SPANXN1: variants seen among roughly 807,000 people sequenced by gnomAD.
SPANXN1 encodes sperm protein associated with the nucleus on the X chromosome N1.
SPANXN1 carries 1 observed loss-of-function variant against 2.0 expected under a neutral mutation model. That is an observed-to-expected ratio of 0.50 (90% CI 0.18 to 2.36). The LOEUF (loss-of-function observed/expected upper bound fraction) is 2.36. Ranked by LOEUF, SPANXN1 falls within the 30% of genes most tolerant of loss-of-function variation. The pLI is 0.26. For missense variants in SPANXN1, 55 were observed against 51.8 expected, an observed-to-expected ratio of 1.06 and a Z score of -0.19; for synonymous variants, 27 against 21.3, an observed-to-expected ratio of 1.27 and a Z score of -0.74.
At position 145,255,835 on chromosome X, in the gene SPANXN1, C is replaced by T; in HGVS notation, c.*21C>T. On this transcript the variant is annotated 3_prime_UTR_variant, in exon 2 of 2. Transcript: ENST00000370493. ...CCTGAGAGAACTCCATCAATCCAGTCCAAGAGGAGGAGGACGAAGGCCTAG... is the reference window on the plus strand; with the variant it reads ...CCTGAGAGAACTCCATCAATCCAGTTCAAGAGGAGGAGGACGAAGGCCTAG... The T allele has an allele frequency of 8.3e-7, 1 of 1,211,701 alleles. No homozygotes were observed. Among genetic ancestry groups the T allele is most frequent in the East Asian group, 3.0e-5 (1 of 33,819 alleles).
At chrX:145,248,846 G>A (rs1392051268) in intron 1 of SPANXN1, among the ~76,000 whole-genome samples, 1 of 111,821 alleles carries the variant, frequency 8.9e-6, no homozygotes, top group East Asian at 2.8e-4. Context: ...TTACAGGGCA[G>A]AAGGATACAG....
intron 1 of SPANXN1, among the ~76,000 whole-genome samples, chrX:145,250,319 G>A (rs1173772647): frequency 1.8e-5 from 2 of 111,115 alleles, no homozygotes; most frequent in Non-Finnish European, 3.8e-5. Context: ...CTATTGTGAG[G>A]TATAGGAATC....
chrX:145,248,917 T>C (rs1233082339), intron 1 of SPANXN1, among the ~76,000 whole-genome samples: 3 of 111,610 alleles, frequency 2.7e-5, no homozygotes, highest in Non-Finnish European at 5.6e-5. Flanking sequence ...GTTGGATACA[T>C]GAAGAGTGGC....
chrX:145,254,364 G>GT (rs1200740512), intron 1 of SPANXN1, among the ~76,000 whole-genome samples: 43 of 112,088 alleles, frequency 3.8e-4, no homozygotes, highest in Non-Finnish European at 6.2e-4. Flanking sequence ...TGAATGTTTT[G>GT]TTTTTTTGGA....
intron 1 of SPANXN1, among the ~76,000 whole-genome samples, chrX:145,247,951 C>T (rs1257902506): frequency 8.0e-5 from 9 of 112,040 alleles, no homozygotes; most frequent in African/African-American, 2.6e-4. Flanking sequence ...GGAACTTTGC[C>T]CAGCAAGATA....
rs191989605 is a variant in SPANXN1, at chrX:145,248,310, T to C, written c.75+649T>C. On this transcript the variant is annotated intron_variant, in intron 1 of 1. Transcript: ENST00000370493. ...TGGTATCAATGTGTTGCTGGGTGGC[T>C]GCCTGGACAGGGGAGTTTAGCCTTC... Among the ~76,000 whole-genome samples the C allele has an allele frequency of 3.0e-3, 339 of 111,364 alleles. 2 individuals carry two copies. Among genetic ancestry groups the C allele is most frequent in the Non-Finnish European group, 3.8e-3 (202 of 53,096 alleles).
At chrX:145,255,146 T>C (rs1556882947) in intron 1 of SPANXN1, among the ~76,000 whole-genome samples, 1 of 111,626 alleles carries the variant, frequency 9.0e-6, no homozygotes, top group African/African-American at 3.3e-5. Flanking sequence ...AACAGCTTAA[T>C]GCCAGATCCC....
intron 1 of SPANXN1, among the ~76,000 whole-genome samples, chrX:145,251,913 T>C (rs1432114137): frequency 9.0e-6 from 1 of 110,956 alleles, no homozygotes; most frequent in African/African-American, 3.3e-5. Context: ...GCTCCTTTCA[T>C]TGGGTTGGGA....
At chrX:145,253,272 T>C (rs1602859640) in intron 1 of SPANXN1, among the ~76,000 whole-genome samples, 1 of 111,101 alleles carries the variant, frequency 9.0e-6, no homozygotes, top group African/African-American at 3.3e-5. Context: ...AGGAATTCTG[T>C]ATGCCTTGGG....
intron 1 of SPANXN1, among the ~76,000 whole-genome samples, chrX:145,249,144 C>G (rs183038085): frequency 9.0e-6 from 1 of 110,838 alleles, no homozygotes; most frequent in Non-Finnish European, 1.9e-5. Context: ...GGTTTATTTT[C>G]GACCAGGTTT....
rs1310535891 is a variant in SPANXN1 at position 145,248,654 on chromosome X, G to T, written c.75+993G>T. On this transcript the variant is annotated intron_variant, in intron 1 of 1. Coordinates refer to ENST00000370493, the MANE Select transcript of SPANXN1 (RefSeq NM_001009614.3). ...TGGTGGCAAGCCATGAGAAGGTGGG[G>T]GTTGAATTCTCCACAAACACTTTGT... is the stretch of plus-strand genomic sequence containing the variant. Among the ~76,000 whole-genome samples, 9 of 112,035 alleles carry T rather than the reference G, an allele frequency of 8.0e-5. No homozygotes were observed. In the Admixed American group the frequency reaches 8.5e-4, roughly 11 times the overall value.
chrX:145,250,113 A>G (rs1556882342), intron 1 of SPANXN1, among the ~76,000 whole-genome samples: 3 of 111,445 alleles, frequency 2.7e-5, no homozygotes, highest in Non-Finnish European at 3.8e-5. Context: ...GTGGTAAGGA[A>G]TATGGAAAGC....
intron 1 of SPANXN1, among the ~76,000 whole-genome samples, chrX:145,249,411 G>A (rs2070776126): frequency 9.0e-6 from 1 of 110,973 alleles, no homozygotes. Flanking sequence ...CTGCGTTAGT[G>A]TGAGAAATTG....
At chrX:145,249,057 A>C (rs782197322) in intron 1 of SPANXN1, among the ~76,000 whole-genome samples, 1 of 110,312 alleles carries the variant, frequency 9.1e-6, no homozygotes, top group South Asian at 3.8e-4. Flanking sequence ...GATTTAATGG[A>C]TTGGGGGGAA....
chrX:145,251,873 T>G (rs782763485), intron 1 of SPANXN1, among the ~76,000 whole-genome samples: 1 of 110,777 alleles, frequency 9.0e-6, no homozygotes, highest in East Asian at 2.9e-4. Context: ...GGTCCTTTTT[T>G]TGTGTGGGGA....
intron 1 of SPANXN1, among the ~76,000 whole-genome samples, chrX:145,253,024 T>C (rs1313446896): frequency 4.5e-5 from 5 of 111,408 alleles, no homozygotes; most frequent in Non-Finnish European, 9.4e-5. Context: ...AGAATTACCC[T>C]GGCTTCCGAG....
intron 1 of SPANXN1, among the ~76,000 whole-genome samples, chrX:145,251,554 C>T (rs1227252421): frequency 9.0e-6 from 1 of 111,413 alleles, no homozygotes; most frequent in Non-Finnish European, 1.9e-5. Context: ...GGGGCGTCGC[C>T]GTATGTTTGA....
chrX:145,250,965 G>T (rs1179465957), intron 1 of SPANXN1, among the ~76,000 whole-genome samples: 3 of 111,968 alleles, frequency 2.7e-5, no homozygotes, highest in Non-Finnish European at 3.8e-5. Flanking sequence ...TTTGGAATGG[G>T]TGTAAATGTT....
At chrX:145,252,110 G>A (rs1330051774) in intron 1 of SPANXN1, among the ~76,000 whole-genome samples, 1 of 111,924 alleles carries the variant, frequency 8.9e-6, no homozygotes, top group African/African-American at 3.3e-5. Context: ...AGGAAAAAGA[G>A]GAAGTTCAGC....
Sources: allele counts gnomAD v4.1 joint callset (sites outside exome capture counted in the v4.1 genomes callset), GRCh38; gene constraint gnomAD v4.1.1; transcripts MANE v1.5; gene names NCBI Gene and HGNC (gene_info 2026-07-23, HGNC 2026-07-21).